The following PAPSS2 variants were observed in gnomAD, a reference collection of about 807,000 sequenced individuals.
The protein encoded by PAPSS2 is bifunctional 3'-phosphoadenosine 5'-phosphosulfate synthase 2.
In PAPSS2, 61 loss-of-function variants were observed where a neutral mutation model predicts 66.5. The observed-to-expected ratio is 0.92, with a 90% CI of 0.75 to 1.14. The LOEUF is 1.14. Among genes scored for constraint, PAPSS2 ranks in the 50% most tolerant of loss-of-function variants. The pLI, the probability that PAPSS2 is intolerant of heterozygous loss-of-function variation, is 0.00. For synonymous variants in PAPSS2, 289 were observed against 287.5 expected, an observed-to-expected ratio of 1.01 and a Z score of -0.05; for missense variants, 708 against 789.6, an observed-to-expected ratio of 0.90 and a Z score of 1.24.
At chr10:87,740,900 G>A (rs1241895259) in intron 9 of PAPSS2, among the ~76,000 whole-genome samples, 1 of 152,136 alleles carries the variant, frequency 6.6e-6, no homozygotes, top group East Asian at 1.9e-4. Flanking sequence ...CACTAAAAAT[G>A]TTATATATGT....
intron 1 of PAPSS2, among the ~76,000 whole-genome samples, chr10:87,663,175 G>A (rs1255586387): frequency 6.3e-5 from 9 of 143,056 alleles, no homozygotes; most frequent in Non-Finnish European, 1.1e-4. Flanking sequence ...GCAGAGAAGC[G>A]ATCTCGTCTC....
At chr10:87,701,247 TTTTCTTTC>T (rs945573641) in intron 1 of PAPSS2, among the ~76,000 whole-genome samples, 1 of 148,600 alleles carries the variant, frequency 6.7e-6, no homozygotes, top group Non-Finnish European at 1.5e-5. Context: ...CTTTTTTCTT[TTTTCTTTC>T]TTTCTTCCTT....
At chr10:87,663,106 C>CTTTTTTTTTTT (rs1184871976) in intron 1 of PAPSS2, among the ~76,000 whole-genome samples, 2 of 67,622 alleles carry the variant, frequency 3.0e-5, no homozygotes, top group Non-Finnish European at 2.6e-5. Context: ...GAAGTAGCCA[C>CTTTTTTTTTTT]TTTTTTTTTT....
chr10:87,660,893 G>A (rs1852744087), intron 1 of PAPSS2: 1 of 442,630 alleles, frequency 2.3e-6, no homozygotes, highest in Non-Finnish European at 4.5e-6. Flanking sequence ...CAGCACTGGG[G>A]CCACGTCAGA....
At chr10:87,742,674 T>G (rs1853884592) in intron 10 of PAPSS2, among the ~76,000 whole-genome samples, 2 of 152,216 alleles carry the variant, frequency 1.3e-5, no homozygotes, top group South Asian at 4.1e-4. Flanking sequence ...TTTTATATCT[T>G]TAGATTGTTG....
intron 8 of PAPSS2, among the ~76,000 whole-genome samples, chr10:87,726,323 C>T (rs952935922): frequency 2.0e-5 from 3 of 152,010 alleles, no homozygotes; most frequent in Admixed American, 6.5e-5. Context: ...CCAGCTACTC[C>T]GGAGGCTGAG....
At chr10:87,710,257 T>C (rs1853447374) in intron 2 of PAPSS2, among the ~76,000 whole-genome samples, 1 of 152,228 alleles carries the variant, frequency 6.6e-6, no homozygotes, top group Non-Finnish European at 1.5e-5. Flanking sequence ...GCCTCATTCT[T>C]GTACTCTTCA....
rs776698186 is a variant in PAPSS2 at position 87,741,390 on chromosome 10, T to G, written c.1222+20T>G. The G allele has an allele frequency of 6.3e-7, 1 of 1,597,026 alleles. No individual in the cohort carries two copies. ...ATGCTGGTATGTAAACTGTTCTTAGTGCATTTTATTTATTTATTTATTGAG... is the reference window on the plus strand; with the variant it reads ...ATGCTGGTATGTAAACTGTTCTTAGGGCATTTTATTTATTTATTTATTGAG... On this transcript the variant is annotated intron_variant, in intron 10 of 12. Coordinates refer to ENST00000456849, the MANE Select transcript of PAPSS2 (RefSeq NM_001015880.2).
At chr10:87,688,443 T>TTTTTTTTATTTATTTA (rs1853116053) in intron 1 of PAPSS2, among the ~76,000 whole-genome samples, 1 of 138,080 alleles carries the variant, frequency 7.2e-6, no homozygotes, top group African/African-American at 2.8e-5. Context: ...TTCTTTTTTA[T>TTTTTTTTATTTATTTA]TTTATTTATT....
In PAPSS2 at chr10:87,714,819, G is replaced by T; in HGVS notation, c.595G>T (p.Val199Leu). The T allele has an allele frequency of 6.2e-7, 1 of 1,613,298 alleles. No individual in the cohort carries two copies. Among genetic ancestry groups the T allele is most frequent in the Non-Finnish European group, 8.5e-7 (1 of 1,179,262 alleles). Residue 199 changes from valine to leucine, a missense_variant, in exon 5 of 13, where the codon GTG (valine) becomes TTG (leucine). Transcript: ENST00000456849. ...TGTGCTTAAAACCAATTTGTCCACA[G>T]TGAGTGACTGTGTCCACCAGGTAGT... ...ERVLKTNLSTVSDCVHQVVEL... is the reference protein window; with the variant it reads ...ERVLKTNLSTLSDCVHQVVEL...
chr10:87,661,945 G>C (rs1250701700), intron 1 of PAPSS2, among the ~76,000 whole-genome samples: 1 of 152,156 alleles, frequency 6.6e-6, no homozygotes. Flanking sequence ...TTTACAGCAA[G>C]CCAGCTGTAA....
At chr10:87,724,851 TAC>T (rs58668772) in intron 8 of PAPSS2, among the ~76,000 whole-genome samples, 33 of 138,176 alleles carry the variant, frequency 2.4e-4, no homozygotes, top group Non-Finnish European at 2.9e-4. Flanking sequence ...TCTCTGTCTA[TAC>T]ACACACACAC....
intron 1 of PAPSS2, among the ~76,000 whole-genome samples, chr10:87,695,094 G>A (rs1432547663): frequency 6.6e-6 from 1 of 152,152 alleles, no homozygotes; most frequent in African/African-American, 2.4e-5. Flanking sequence ...CGATGTCTTA[G>A]TCCATGCAGG....
In PAPSS2 at chr10:87,745,959, GAGA is replaced by G. The variant is rs1159240933; in HGVS notation, c.1854_1856del (p.Lys618del). On this transcript the variant is annotated inframe_deletion, in exon 13 of 13. Coordinates refer to ENST00000456849, the MANE Select transcript of PAPSS2 (RefSeq NM_001015880.2). ...CCTGACAGATTATTACAGGTCCCTG[GAGA>G]AGAACTAAGCCTTTGGCTCCAGAGT... 1 of 1,611,712 alleles carries G rather than the reference GAGA, an allele frequency of 6.2e-7. No homozygotes were observed. The highest frequency in any genetic ancestry group is 8.5e-7 in the Non-Finnish European group (1 of 1,177,842).
chr10:87,745,293 T>C, intron 12 of PAPSS2, 62 bp downstream of exon 12: 1 of 1,377,134 alleles, frequency 7.3e-7, no homozygotes, highest in Non-Finnish European at 1.0e-6. Context: ...TGAGGCAGAA[T>C]TTGGGCCCTT....
At position 87,709,226 on chromosome 10, in the gene PAPSS2, T is replaced by C. The variant is rs1337925199; in HGVS notation, c.58T>C (p.Tyr20His). 7 of 1,613,202 alleles carry C rather than the reference T, an allele frequency of 4.3e-6. No individual in the cohort carries two copies. Among genetic ancestry groups the C allele is most frequent in the Non-Finnish European group, 5.1e-6 (6 of 1,179,388 alleles). The part of the protein sequence containing the change: ...ENQQKSTNVV[Y>H]QAHHVSRNKR... ...CCAGCAGAAATCCACCAATGTAGTC[T>C]ATCAGGCCCACCATGTGAGCAGGAA... is the stretch of plus-strand genomic sequence containing the variant. The change falls in exon 2 of 13, where the codon TAT becomes CAT. Residue 20 changes from tyrosine to histidine, a missense_variant. Transcript: ENST00000456849.
At chr10:87,674,355 G>A (rs531134958) in intron 1 of PAPSS2, among the ~76,000 whole-genome samples, 3 of 152,052 alleles carry the variant, frequency 2.0e-5, no homozygotes, top group Non-Finnish European at 4.4e-5. Context: ...TGGTAGAGAT[G>A]GGTTTTCACC....
chr10:87,687,826 T>C (rs1853107368), intron 1 of PAPSS2, among the ~76,000 whole-genome samples: 1 of 148,188 alleles, frequency 6.7e-6, no homozygotes, highest in Non-Finnish European at 1.5e-5. Flanking sequence ...TTTAAAAAAC[T>C]CTTAAAAAGA....
chr10:87,704,629 C>T (rs981518680), intron 1 of PAPSS2, among the ~76,000 whole-genome samples: 23 of 152,128 alleles, frequency 1.5e-4, no homozygotes, highest in Admixed American at 1.4e-3. Flanking sequence ...TTCTCATCTG[C>T]TTACTTTTTT....
Sources: allele counts gnomAD v4.1 joint callset (sites outside exome capture counted in the v4.1 genomes callset), GRCh38; gene constraint gnomAD v4.1.1; transcripts MANE v1.5; gene names NCBI Gene and HGNC (gene_info 2026-07-23, HGNC 2026-07-21).